KCNIP4: variants seen among roughly 807,000 people sequenced by gnomAD.
KCNIP4 encodes the protein potassium voltage-gated channel interacting protein 4.
A neutral mutation model predicts 34.0 loss-of-function variants in KCNIP4; 12 were observed. The observed-to-expected ratio is 0.35, with a 90% CI of 0.23 to 0.57. The LOEUF is 0.57. Ranked by LOEUF, KCNIP4 falls within the 20% of genes least tolerant of loss-of-function variation. The pLI, the probability that KCNIP4 is intolerant of heterozygous loss-of-function variation, is 0.83. For missense variants in KCNIP4, 238 were observed against 311.7 expected (o/e 0.76, Z 1.78); for synonymous variants, 124 against 102.2 (o/e 1.21, Z -1.29).
At chr4:21,730,870 C>G (rs769336891) in intron 1 of KCNIP4, among the ~76,000 whole-genome samples, 1 of 151,944 alleles carries the variant, frequency 6.6e-6, no homozygotes, top group Non-Finnish European at 1.5e-5. Context: ...TCCAGCACTT[C>G]GGGAGGCCAA....
At position 21,234,079 on chromosome 4, in the gene KCNIP4, T is replaced by C. The variant is rs548345200; in HGVS notation, c.62-351370A>G. On this transcript the variant is annotated intron_variant, in intron 1 of 8. Transcript: ENST00000382152. ...ATAACATATATAACATAACATAACA[T>C]ATAACGTATATTATATATAACATAT... 3.7e-4 allele frequency among the ~76,000 whole-genome samples: 35 copies of C among 95,378 alleles called. 5 individuals carry two copies. Among genetic ancestry groups the C allele is most frequent in the East Asian group, 3.1e-3 (12 of 3,810 alleles). The allele number at this position is 95,378 out of a possible 152,430, so 62.6% of individuals were successfully genotyped here.
At chr4:21,020,083 G>C (rs1739902837) in intron 1 of KCNIP4, among the ~76,000 whole-genome samples, 1 of 152,090 alleles carries the variant, frequency 6.6e-6, no homozygotes, top group Non-Finnish European at 1.5e-5. Flanking sequence ...GTTTTCCACA[G>C]TTTTTCATAT....
chr4:21,507,654 GCTC>G (rs1233538412), intron 1 of KCNIP4, among the ~76,000 whole-genome samples: 2 of 152,096 alleles, frequency 1.3e-5, no homozygotes, highest in Non-Finnish European at 2.9e-5. Flanking sequence ...ATACAGTACT[GCTC>G]CTTGACTAGA....
intron 1 of KCNIP4, among the ~76,000 whole-genome samples, chr4:20,960,673 T>C (rs1733762317): frequency 6.6e-6 from 1 of 152,218 alleles, no homozygotes; most frequent in Non-Finnish European, 1.5e-5. Flanking sequence ...GATGAAAACA[T>C]ACTCATGCAT....
intron 1 of KCNIP4, among the ~76,000 whole-genome samples, chr4:21,231,963 G>T (rs985077930): frequency 6.6e-6 from 1 of 152,106 alleles, no homozygotes; most frequent in African/African-American, 2.4e-5. Context: ...GAAGCTGGCC[G>T]ATAGACAAGG....
At chr4:21,835,737 A>T (rs11731098) in intron 1 of KCNIP4, among the ~76,000 whole-genome samples, 11,927 of 152,204 alleles carry the variant, frequency 0.078, 542 homozygotes, top group Middle Eastern at 0.13. Context: ...ATCAGGGGCC[A>T]TGCATGAGAA....
intron 3 of KCNIP4, among the ~76,000 whole-genome samples, chr4:20,809,404 A>C (rs1715455932): frequency 6.6e-6 from 1 of 152,164 alleles, no homozygotes; most frequent in Admixed American, 6.5e-5. Context: ...GACCTACTTC[A>C]TTCCCTTCAG....
intron 1 of KCNIP4, among the ~76,000 whole-genome samples, chr4:21,620,541 T>A (rs9631703): frequency 5.3e-5 from 8 of 151,950 alleles, no homozygotes; most frequent in Admixed American, 3.9e-4. Flanking sequence ...ACAGTAGGCA[T>A]AGAAAAATAT....
At chr4:21,270,401 A>G (rs952653177) in intron 1 of KCNIP4, among the ~76,000 whole-genome samples, 3 of 152,176 alleles carry the variant, frequency 2.0e-5, no homozygotes, top group African/African-American at 7.2e-5. Context: ...AGTGCTGCTG[A>G]GGGTTGGTAG....
chr4:20,764,681 G>GACAC (rs5856578), intron 3 of KCNIP4, among the ~76,000 whole-genome samples: 34,385 of 146,986 alleles, frequency 0.23, 4,127 homozygotes, highest in Admixed American at 0.36. Context: ...ATGGGAATTG[G>GACAC]ACACACACAC....
At chr4:21,224,581 T>TTG (rs1388372256) in intron 1 of KCNIP4, among the ~76,000 whole-genome samples, 1 of 126,658 alleles carries the variant, frequency 7.9e-6, no homozygotes, top group African/African-American at 3.2e-5. Context: ...TTCAACTGTT[T>TTG]TTTTTTTTTT....
intron 1 of KCNIP4, among the ~76,000 whole-genome samples, chr4:20,894,220 T>C (rs1423084884): frequency 6.6e-6 from 1 of 152,132 alleles, no homozygotes; most frequent in Non-Finnish European, 1.5e-5. Flanking sequence ...AACTTTTCTT[T>C]GGGATAAGCC....
At chr4:21,898,764 A>C (rs1190671644) in intron 1 of KCNIP4, among the ~76,000 whole-genome samples, 3 of 152,250 alleles carry the variant, frequency 2.0e-5, no homozygotes, top group Admixed American at 6.5e-5. Context: ...TGAGGGAAGG[A>C]AAGAGAAGTA....
rs187446450 is a variant in KCNIP4, at chr4:21,103,370, G to A, written c.62-220661C>T. Among the ~76,000 whole-genome samples the A allele has an allele frequency of 1.0e-4, 15 of 143,358 alleles. No individual in the cohort carries two copies. The East Asian group carries it at 2.8e-3, about 27-fold the overall frequency. 94.0% of individuals were successfully genotyped at this position (143,358 alleles called of 152,430 possible). On this transcript the variant is annotated intron_variant, in intron 1 of 8. Transcript: ENST00000382152. ...TACATATAATATATATAATATATAA[G>A]ATATATATATTTTATATATATATCT...
At chr4:21,158,103 T>G (rs1248566366) in intron 1 of KCNIP4, among the ~76,000 whole-genome samples, 1 of 152,088 alleles carries the variant, frequency 6.6e-6, no homozygotes, top group Non-Finnish European at 1.5e-5. Flanking sequence ...CAAATTTTAC[T>G]CAGGAAGAAA....
intron 1 of KCNIP4, among the ~76,000 whole-genome samples, chr4:21,317,196 T>G (rs1400111251): frequency 6.6e-6 from 1 of 152,208 alleles, no homozygotes; most frequent in East Asian, 1.9e-4. Flanking sequence ...TTTTTACTAT[T>G]GAGTTGGATT....
intron 4 of KCNIP4, among the ~76,000 whole-genome samples, chr4:20,758,123 A>G (rs755193923): frequency 2.0e-5 from 3 of 152,160 alleles, no homozygotes; most frequent in Non-Finnish European, 4.4e-5. Flanking sequence ...TGGGACAAAT[A>G]TAAGTTGGGC....
intron 1 of KCNIP4, among the ~76,000 whole-genome samples, chr4:20,960,231 T>C (rs1733717688): frequency 6.6e-6 from 1 of 152,184 alleles, no homozygotes; most frequent in Non-Finnish European, 1.5e-5. Context: ...CCTCCCCTTA[T>C]TTTCTTAAAG....
intron 1 of KCNIP4, among the ~76,000 whole-genome samples, chr4:21,867,418 A>C (rs2109360299): frequency 6.6e-6 from 1 of 152,340 alleles, no homozygotes; most frequent in South Asian, 2.1e-4. Flanking sequence ...CTAGAGTCAG[A>C]GTTAGTTTGC....
Sources: allele counts gnomAD v4.1 joint callset (sites outside exome capture counted in the v4.1 genomes callset), GRCh38; gene constraint gnomAD v4.1.1; transcripts MANE v1.5; gene names NCBI Gene and HGNC (gene_info 2026-07-23, HGNC 2026-07-21).